ACSM2B: variants seen among roughly 807,000 people sequenced by gnomAD.
ACSM2B encodes acyl-CoA synthetase medium chain family member 2B, also known as acyl-coenzyme A synthetase ACSM2B, mitochondrial.
ACSM2B carries 58 observed loss-of-function variants against 78.6 expected under a neutral mutation model. That is an observed-to-expected ratio of 0.74 (90% confidence interval 0.60 to 0.92). The LOEUF is 0.92. Ranked by LOEUF, ACSM2B falls within the 40% of genes least tolerant of loss-of-function variation. The pLI is 0.00. For missense variants in ACSM2B, 688 were observed against 711.2 expected, an observed-to-expected ratio of 0.97 and a Z score of 0.37; for synonymous variants, 257 against 256.8, an observed-to-expected ratio of 1.00 and a Z score of -0.01.
chr16:20,552,454 G>A (rs2015344486), intron 5 of ACSM2B, among the ~76,000 whole-genome samples, 157 bp from the exon 6 acceptor site: 1 of 152,084 alleles, frequency 6.6e-6, no homozygotes, highest in African/African-American at 2.4e-5. Context: ...TAAGTAGGAA[G>A]GGGGAAGAAA....
intron 9 of ACSM2B, among the ~76,000 whole-genome samples, chr16:20,546,175 T>A (rs1412062714): frequency 6.6e-6 from 1 of 152,194 alleles, no homozygotes; most frequent in Non-Finnish European, 1.5e-5. Flanking sequence ...ATATTCAAAG[T>A]GAGTCCTTCT....
intron 1 of ACSM2B, among the ~76,000 whole-genome samples, chr16:20,567,473 G>A: frequency 1.9e-5 from 2 of 103,830 alleles, no homozygotes; most frequent in African/African-American, 4.1e-5. Flanking sequence ...TATAATAATA[G>A]TATAACAGTA....
rs1457694894 is a variant in ACSM2B at position 20,552,437 on chromosome 16, T to C, written c.741-140A>G. 1,505 of 1,261,176 alleles carry C rather than the reference T, an allele frequency of 1.2e-3. 12 individuals are homozygous for C. The South Asian group carries it at 0.013, about 11-fold the overall frequency. The allele number at this position is 1,261,176 out of a possible 1,614,324, so 78.1% of individuals were successfully genotyped here. On this transcript the variant is annotated intron_variant, in intron 5 of 13. Transcript: ENST00000329697. ...TGCCTGCAGGTTTATAGGCATATGT[T>C]TAAGTATAAGTAGGAAGGGGGAAGA...
chr16:20,561,321 G>C (rs540557814), intron 2 of ACSM2B, among the ~76,000 whole-genome samples: 4 of 151,544 alleles, frequency 2.6e-5, no homozygotes, highest in Admixed American at 2.6e-4. Flanking sequence ...TGTACAGGAA[G>C]CATGGTGCTG....
chr16:20,564,619 T>C, intron 2 of ACSM2B, 50 bp downstream of exon 2: 1 of 1,590,222 alleles, frequency 6.3e-7, no homozygotes, highest in Non-Finnish European at 8.5e-7. Flanking sequence ...GGATGAATTT[T>C]AAAAGTCAAC....
At chr16:20,565,074 A>G (rs1166757195) in intron 1 of ACSM2B, among the ~76,000 whole-genome samples, 1 of 152,172 alleles carries the variant, frequency 6.6e-6, no homozygotes, top group African/African-American at 2.4e-5. Flanking sequence ...TAGATCCTAC[A>G]TATTCAACAC....
chr16:20,542,785 G>T, intron 12 of ACSM2B, 129 bp downstream of exon 12: 1 of 1,236,262 alleles, frequency 8.1e-7, no homozygotes, highest in East Asian at 2.6e-5. Flanking sequence ...AGGTCACATA[G>T]CTAGTAAGTG....
intron 1 of ACSM2B, among the ~76,000 whole-genome samples, chr16:20,570,802 G>A (rs1295270475): frequency 6.6e-6 from 1 of 151,704 alleles, no homozygotes; most frequent in East Asian, 1.9e-4. Flanking sequence ...TAAGCTAGGA[G>A]GGTTGTATCT....
Position 20,567,498 on chromosome 16 carries a change from A to ATAAAATATATG in ACSM2B, c.-8-2646_-8-2645insCATATATTTTA, listed in dbSNP as rs1262557792. Among the ~76,000 whole-genome samples, 4 of 126,794 alleles carry ATAAAATATATG rather than the reference A, an allele frequency of 3.2e-5. No homozygotes were observed. The South Asian group carries it at 8.7e-4, about 28-fold the overall frequency. The allele number at this position is 126,794 out of a possible 152,430, so 83.2% of individuals were successfully genotyped here. A position where few individuals can be genotyped will look rare whatever the true frequency, so the allele number is the denominator to read the frequency against. On this transcript the variant is annotated intron_variant, in intron 1 of 13. Coordinates refer to ENST00000329697, the MANE Select transcript of ACSM2B (RefSeq NM_001105069.2). ...GTATAACAGTATATATAAATAATAT[A>ATAAAATATATG]TAAAATATATAAATAATATATAAAT...
intron 5 of ACSM2B, among the ~76,000 whole-genome samples, chr16:20,553,057 T>C (rs529753482): frequency 4.6e-5 from 7 of 152,344 alleles, no homozygotes; most frequent in Non-Finnish European, 7.4e-5. Context: ...TTTTAGAAAC[T>C]GCCTTTTACT....
rs559044619 is a variant in ACSM2B at position 20,559,305 on chromosome 16, T to C, written c.320A>G (p.Asp107Gly). 1 of 1,613,522 alleles carries C rather than the reference T, an allele frequency of 6.2e-7. No homozygotes were observed. The highest frequency in any genetic ancestry group is 2.2e-5 in the East Asian group (1 of 44,852). Reference sequence around the variant, plus strand: ...TCGGGGCAGCATCACTGCCACACGATCCCCACGCTGCAGGCCACAGGCTCC... The same window carrying C: ...TCGGGGCAGCATCACTGCCACACGACCCCCACGCTGCAGGCCACAGGCTCC... ...LSGACGLQRG[D>G]RVAVMLPRVP... The change falls in exon 3 of 14, where the codon GAT (aspartate) becomes GGT (glycine). Residue 107 changes from aspartate (D) to glycine (G), a missense_variant. Coordinates refer to ENST00000329697, the MANE Select transcript of ACSM2B (RefSeq NM_001105069.2).
intron 10 of ACSM2B, 193 bp downstream of exon 10, chr16:20,544,963 AG>A (rs2015092359): frequency 9.9e-7 from 1 of 1,013,072 alleles, no homozygotes; most frequent in Non-Finnish European, 1.3e-6. Context: ...ATGAGATCAC[AG>A]TGATAGGCTG....
chr16:20,554,138 T>A (rs1446002799), intron 4 of ACSM2B: 8 of 722,220 alleles, frequency 1.1e-5, no homozygotes, highest in Non-Finnish European at 2.0e-5. Flanking sequence ...CAATGCAACC[T>A]TAAACTACTT....
chr16:20,566,698 GT>G (rs2015875976), intron 1 of ACSM2B, among the ~76,000 whole-genome samples: 3 of 5,436 alleles, frequency 5.5e-4, no homozygotes, highest in African/African-American at 1.7e-3. Flanking sequence ...ACTATATATA[GT>G]ATATATATAG....
rs1208901325 is a variant in ACSM2B, at chr16:20,558,627, A to G, written c.388+610T>C. Among the ~76,000 whole-genome samples, 10 of 152,184 alleles carry G rather than the reference A, an allele frequency of 6.6e-5. No homozygotes were observed. The East Asian group carries it at 1.8e-3, about 27-fold the overall frequency. On this transcript the variant is annotated intron_variant, in intron 3 of 13. Coordinates refer to ENST00000329697, the MANE Select transcript of ACSM2B (RefSeq NM_001105069.2). ...TCATCCTGCAGATCTCAGCTCAAAT[A>G]TCACTTCCATTGAGACTTAGTTGCT...
intron 1 of ACSM2B, among the ~76,000 whole-genome samples, chr16:20,566,698 G>GATAACA (rs2015875812): frequency 1.8e-4 from 1 of 5,436 alleles, no homozygotes; most frequent in African/African-American, 5.7e-4. Flanking sequence ...ACTATATATA[G>GATAACA]TATATATATA....
chr16:20,544,209 C>T (rs2015074638), intron 10 of ACSM2B, among the ~76,000 whole-genome samples: 1 of 152,208 alleles, frequency 6.6e-6, no homozygotes, highest in Non-Finnish European at 1.5e-5. Flanking sequence ...GCCCTGATCG[C>T]TGAAGCTCAG....
chr16:20,560,724 A>G (rs1739865191), intron 2 of ACSM2B, among the ~76,000 whole-genome samples: 1 of 152,122 alleles, frequency 6.6e-6, no homozygotes, highest in African/African-American at 2.4e-5. Context: ...GGTCATGGGA[A>G]GAAATTGAAG....
intron 8 of ACSM2B, chr16:20,546,892 T>G: frequency 5.7e-6 from 1 of 175,318 alleles, no homozygotes; most frequent in Non-Finnish European, 1.1e-5. Flanking sequence ...ATATGAGATG[T>G]TTTGATACAG....
Sources: gnomAD v4.1 joint callset for allele counts (sites outside exome capture counted in the v4.1 genomes callset) on GRCh38, gnomAD v4.1.1 for gene constraint, MANE v1.5 for transcripts, NCBI Gene and HGNC (gene_info 2026-07-23, HGNC 2026-07-21) for gene names.